The following PCDHA3 variants were observed in gnomAD, a reference collection of about 807,000 sequenced individuals.
The protein encoded by PCDHA3 is protocadherin alpha 3.
In PCDHA3, 41 loss-of-function variants were observed where a neutral mutation model predicts 62.2. That is an observed-to-expected ratio of 0.66 (90% confidence interval 0.51 to 0.86). The LOEUF is 0.86. PCDHA3 is among the 40% of genes least tolerant of loss of function. The pLI is 0.00. For missense variants in PCDHA3, 1,304 were observed against 1,241.2 expected (o/e 1.05, Z -0.76); for synonymous variants, 640 against 555.4 (o/e 1.15, Z -2.14).
At chr5:141,002,559 G>C (rs2098085590) in intron 3 of PCDHA3, among the ~76,000 whole-genome samples, 2 of 152,192 alleles carry the variant, frequency 1.3e-5, no homozygotes. Context: ...GGATCCACCA[G>C]TTAGTGACCA....
intron 1 of PCDHA3, among the ~76,000 whole-genome samples, chr5:140,897,090 C>G (rs1420408825): frequency 6.6e-6 from 1 of 151,950 alleles, no homozygotes; most frequent in Non-Finnish European, 1.5e-5. Context: ...ATTTTTTATC[C>G]TCATTAAAAA....
Position 140,843,852 on chromosome 5 carries a change from T to A in PCDHA3, c.2394+40261T>A, listed in dbSNP as rs1779120193. 7.3e-6 allele frequency: 7 copies of A among 964,906 alleles called. 1 individual carries two copies. The highest frequency in any genetic ancestry group is 1.1e-5 in the Non-Finnish European group (7 of 652,752). 59.8% of individuals were successfully genotyped at this position (964,906 alleles called of 1,614,324 possible). ...TTGTTTAGTTTTTAGAAACCTTTTA[T>A]AATTAATTGAATTTTCTCAGTGGCA... On this transcript the variant is annotated intron_variant, in intron 1 of 3. Transcript: ENST00000522353.
Position 140,883,198 on chromosome 5 carries a change from C to G in PCDHA3, c.2394+79607C>G, listed in dbSNP as rs145698462. 1.9e-6 allele frequency: 3 copies of G among 1,613,572 alleles called. No individual in the cohort carries two copies. Among genetic ancestry groups the G allele is most frequent in the Admixed American group, 1.7e-5 (1 of 59,932 alleles). On this transcript the variant is annotated intron_variant, in intron 1 of 3. Transcript: ENST00000522353. ...TTAGGACAAAAGGCAAACTAGATTT[C>G]GAAGAAAAGAAATTATATGAAATAT...
intron 1 of PCDHA3, among the ~76,000 whole-genome samples, chr5:140,838,075 A>AGTGTGTG (rs781914509): frequency 1.3e-4 from 17 of 128,240 alleles, no homozygotes; most frequent in East Asian, 1.2e-3. Flanking sequence ...TTATATATAT[A>AGTGTGTG]TAGTGTGTGT....
At chr5:140,906,518 A>G (rs377287696) in intron 1 of PCDHA3, among the ~76,000 whole-genome samples, 161 of 152,358 alleles carry the variant, frequency 1.1e-3, no homozygotes, top group African/African-American at 3.7e-3. Flanking sequence ...AGGAGGAAAT[A>G]CTCACGACAA....
intron 3 of PCDHA3, among the ~76,000 whole-genome samples, chr5:141,005,068 A>C (rs1314916800): frequency 6.6e-6 from 1 of 152,256 alleles, no homozygotes. Flanking sequence ...GCATTGTGCT[A>C]AGGATCAAGC....
chr5:140,857,392 C>G (rs142727326), intron 1 of PCDHA3: 2 of 1,598,470 alleles, frequency 1.3e-6, no homozygotes, highest in African/African-American at 1.3e-5. Flanking sequence ...CCGACGTGAA[C>G]GACAACGCGC....
chr5:140,922,465 T>G (rs116670359), intron 1 of PCDHA3, among the ~76,000 whole-genome samples: 1 of 152,190 alleles, frequency 6.6e-6, no homozygotes, highest in African/African-American at 2.4e-5. Flanking sequence ...CAACACAAAA[T>G]AGGAGAGAAG....
rs551606343 is a variant in PCDHA3 at position 140,977,430 on chromosome 5, G to A, written c.2395-1519G>A. Among the ~76,000 whole-genome samples, 14 of 152,252 alleles carry A rather than the reference G, an allele frequency of 9.2e-5. No homozygotes were observed. The South Asian group carries it at 2.5e-3, about 27-fold the overall frequency. The stretch of plus-strand genomic sequence containing the variant: ...ATTTTCTTTTGTTCCCTCTAACACC[G>A]CTAGTAGATAATGGAAACTCCTTTG... On this transcript the variant is annotated intron_variant, in intron 1 of 3. Coordinates refer to ENST00000522353, the MANE Select transcript of PCDHA3 (RefSeq NM_018906.3).
chr5:140,830,913 T>G (rs1357987465), intron 1 of PCDHA3: 2 of 152,364 alleles, frequency 1.3e-5, no homozygotes, highest in African/African-American at 4.8e-5. Flanking sequence ...CACTTTCCAT[T>G]TCAATGTTTT....
intron 3 of PCDHA3, among the ~76,000 whole-genome samples, chr5:141,001,942 TAAG>T (rs140166770): frequency 0.017 from 2,515 of 151,936 alleles, 63 homozygotes; most frequent in African/African-American, 0.058. Context: ...TGAGCGGAAA[TAAG>T]GAGGAGGGAG....
At chr5:140,817,284 G>A (rs1412260220) in intron 1 of PCDHA3, 1 of 152,288 alleles carries the variant, frequency 6.6e-6, no homozygotes, top group Non-Finnish European at 1.5e-5. Flanking sequence ...TGTGCTGCTG[G>A]ATGGGACTAT....
chr5:140,981,220 C>T (rs1160783614), intron 2 of PCDHA3, among the ~76,000 whole-genome samples: 3 of 152,164 alleles, frequency 2.0e-5, no homozygotes, highest in African/African-American at 4.8e-5. Context: ...CCCCTTTAGT[C>T]AGTAGTCTAA....
intron 1 of PCDHA3, chr5:140,822,731 T>C: frequency 1.2e-6 from 2 of 1,613,236 alleles, no homozygotes; most frequent in Non-Finnish European, 1.7e-6. Context: ...GAAATTAATA[T>C]TGATGCCATG....
At chr5:140,828,509 GTGC>G in intron 1 of PCDHA3, 1 of 1,614,278 alleles carries the variant, frequency 6.2e-7, no homozygotes. Context: ...GGAACAAAGA[GTGC>G]TGATTTACGA....
At chr5:140,835,991 C>A (rs2150249713) in intron 1 of PCDHA3, 70 of 1,613,150 alleles carry the variant, frequency 4.3e-5, no homozygotes, top group Middle Eastern at 1.7e-4. Context: ...TCCAGGTGAG[C>A]GCGCGCGATG....
chr5:140,992,154 C>T (rs2097495252), intron 3 of PCDHA3, among the ~76,000 whole-genome samples: 1 of 151,952 alleles, frequency 6.6e-6, no homozygotes. Flanking sequence ...TTTGCTCAAT[C>T]AAGAAGTGTG....
chr5:140,827,906 A>C, intron 1 of PCDHA3: 1 of 808,566 alleles, frequency 1.2e-6, no homozygotes, highest in Non-Finnish European at 2.0e-6. Context: ...TTGGAGCCGC[A>C]TGATGTCGCT....
chr5:140,874,587 T>A (rs1221042797), intron 1 of PCDHA3, among the ~76,000 whole-genome samples: 1 of 152,256 alleles, frequency 6.6e-6, no homozygotes, highest in Admixed American at 6.5e-5. Flanking sequence ...TGCTTTGGGA[T>A]AGTGTGAAAT....
Sources: allele counts gnomAD v4.1 joint callset (sites outside exome capture counted in the v4.1 genomes callset), GRCh38; gene constraint gnomAD v4.1.1; transcripts MANE v1.5; gene names NCBI Gene and HGNC (gene_info 2026-07-23, HGNC 2026-07-21).